The following EEFSEC variants were observed in gnomAD, a reference collection of about 807,000 sequenced individuals.
The protein encoded by EEFSEC is selenocysteine-specific elongation factor.
Under a neutral mutation model 42.1 loss-of-function variants are expected in EEFSEC, and 43 were observed. The observed-to-expected ratio is 1.02, with a 90% CI of 0.80 to 1.32. The LOEUF (loss-of-function observed/expected upper bound fraction) is 1.32. Ranked by LOEUF, EEFSEC falls within the 40% of genes most tolerant of loss-of-function variation. The pLI is 0.00. For missense variants in EEFSEC, 745 were observed against 803.6 expected (o/e 0.93, Z 0.88); for synonymous variants, 354 against 339.1 (o/e 1.04, Z -0.48).
chr3:128,416,814 G>C, the EEFSEC span, among the ~76,000 whole-genome samples: 39,750 of 151,968 alleles, frequency 0.26, 7,402 homozygotes, highest in African/African-American at 0.53. Context: ...CCGAGAAAGG[G>C]CAATGGAGAA....
intron 4 of EEFSEC, among the ~76,000 whole-genome samples, chr3:128,330,398 C>A (rs1042847464): frequency 2.0e-5 from 3 of 152,144 alleles, no homozygotes; most frequent in Non-Finnish European, 2.9e-5. Context: ...GCAAAATAAA[C>A]CCAGCCTGTC....
At chr3:128,415,179 G>A in the EEFSEC span, among the ~76,000 whole-genome samples, 11 of 152,170 alleles carry the variant, frequency 7.2e-5, no homozygotes, top group Admixed American at 4.6e-4. Context: ...ACGCAGAGAT[G>A]GGTCATTGGC....
downstream of EEFSEC, among the ~76,000 whole-genome samples, chr3:128,408,829 T>C (rs1466022610): frequency 6.6e-6 from 1 of 152,170 alleles, no homozygotes; most frequent in Non-Finnish European, 1.5e-5. Flanking sequence ...ACTAGGTGGC[T>C]CCTGGGGCGC....
intron 1 of EEFSEC, among the ~76,000 whole-genome samples, chr3:128,234,799 C>T (rs899602044): frequency 1.3e-5 from 2 of 152,202 alleles, no homozygotes; most frequent in African/African-American, 4.8e-5. Context: ...TGTTAAGGGA[C>T]GTCGATCCCA....
chr3:128,253,335 G>A (rs911587339), intron 2 of EEFSEC, among the ~76,000 whole-genome samples: 1 of 152,128 alleles, frequency 6.6e-6, no homozygotes, highest in African/African-American at 2.4e-5. Context: ...TGGAGCCTTC[G>A]TGCTAAGAAT....
intron 6 of EEFSEC, among the ~76,000 whole-genome samples, chr3:128,405,929 C>G (rs758818726): frequency 6.6e-6 from 1 of 152,226 alleles, no homozygotes; most frequent in African/African-American, 2.4e-5. Context: ...GCTGCCTTCA[C>G]CCCCACCTGC....
At chr3:128,277,485 TG>T (rs1165002711) in intron 4 of EEFSEC, among the ~76,000 whole-genome samples, 5 of 152,218 alleles carry the variant, frequency 3.3e-5, no homozygotes, top group African/African-American at 1.2e-4. Flanking sequence ...TTTGTGTGCG[TG>T]TTTTAAAAGT....
At chr3:128,414,163 A>T in the EEFSEC span, among the ~76,000 whole-genome samples, 39,112 of 152,174 alleles carry the variant, frequency 0.26, 9,482 homozygotes, top group African/African-American at 0.63. Context: ...CCCCAGCCCT[A>T]GAGTGATGTC....
chr3:128,191,300 T>G (rs2065521881), intron 1 of EEFSEC, among the ~76,000 whole-genome samples: 1 of 152,136 alleles, frequency 6.6e-6, no homozygotes, highest in Admixed American at 6.5e-5. Flanking sequence ...TTAAAAAAAT[T>G]ATTTTATTTT....
intron 1 of EEFSEC, among the ~76,000 whole-genome samples, chr3:128,213,713 A>G (rs1475822762): frequency 1.3e-5 from 2 of 151,910 alleles, no homozygotes; most frequent in South Asian, 2.1e-4. Flanking sequence ...TTAAACTCAC[A>G]TACTTACTTT....
intron 1 of EEFSEC, among the ~76,000 whole-genome samples, chr3:128,175,430 G>A (rs1194519071): frequency 3.3e-5 from 5 of 152,208 alleles, no homozygotes; most frequent in Admixed American, 1.3e-4. Flanking sequence ...AGCCTGGGCA[G>A]TGGGTGGTGA....
chr3:128,352,991 T>G (rs1267426831), intron 5 of EEFSEC, among the ~76,000 whole-genome samples: 1 of 152,256 alleles, frequency 6.6e-6, no homozygotes, highest in Non-Finnish European at 1.5e-5. Flanking sequence ...CCCATTTTTT[T>G]CCAGTTATGG....
At chr3:128,186,974 G>C (rs569016358) in intron 1 of EEFSEC, among the ~76,000 whole-genome samples, 1 of 152,332 alleles carries the variant, frequency 6.6e-6, no homozygotes, top group South Asian at 2.1e-4. Flanking sequence ...CCTAGGGACA[G>C]TGTCTGAGGA....
chr3:128,175,949 T>G (rs934950074), intron 1 of EEFSEC, among the ~76,000 whole-genome samples: 1 of 152,206 alleles, frequency 6.6e-6, no homozygotes. Context: ...CTTGTGAGAA[T>G]GCACAGCTCT....
rs869213620 is a variant in EEFSEC at position 128,293,674 on chromosome 3, A to AGAAC, written c.786+28893_786+28894insGAAC. Among the ~76,000 whole-genome samples, 71 of 149,410 alleles carry AGAAC rather than the reference A, an allele frequency of 4.8e-4. 2 individuals carry two copies. The highest frequency in any genetic ancestry group is 8.9e-4 in the Non-Finnish European group (60 of 67,382). On this transcript the variant is annotated intron_variant, in intron 4 of 6. Transcript: ENST00000254730. ...AGACTCTATCTCAAAAAAAAAAAAA[A>AGAAC]AAAAAAAAAAAAACTTCCCTTATAG...
chr3:128,318,247 G>A (rs960593558), intron 4 of EEFSEC, among the ~76,000 whole-genome samples: 1 of 152,240 alleles, frequency 6.6e-6, no homozygotes, highest in African/African-American at 2.4e-5. Flanking sequence ...GTTGTTGCTC[G>A]ACTAGTGGCA....
intron 1 of EEFSEC, among the ~76,000 whole-genome samples, chr3:128,192,632 A>G (rs2065537791): frequency 1.3e-5 from 2 of 152,020 alleles, no homozygotes; most frequent in Admixed American, 1.3e-4. Context: ...TCTCCTATTT[A>G]ACTTCTTTGT....
chr3:128,253,365 C>T (rs1408812472), intron 2 of EEFSEC, among the ~76,000 whole-genome samples: 1 of 152,148 alleles, frequency 6.6e-6, no homozygotes, highest in Non-Finnish European at 1.5e-5. Context: ...TCCTACCCAT[C>T]TCTTTCTCCT....
intron 4 of EEFSEC, among the ~76,000 whole-genome samples, chr3:128,266,982 G>A (rs981959140): frequency 2.6e-5 from 4 of 152,124 alleles, no homozygotes; most frequent in Admixed American, 1.3e-4. Flanking sequence ...ACCTCTGGGG[G>A]CCACTCTGAC....
Sources: allele counts gnomAD v4.1 joint callset (sites outside exome capture counted in the v4.1 genomes callset), GRCh38; gene constraint gnomAD v4.1.1; transcripts MANE v1.5; gene names NCBI Gene and HGNC (gene_info 2026-07-23, HGNC 2026-07-21).